The following ZNF568 variants were observed in gnomAD, a reference collection of about 807,000 sequenced individuals.
ZNF568 encodes zinc finger protein 568.
A neutral mutation model predicts 18.1 loss-of-function variants in ZNF568; 11 were observed. The ratio of observed to expected loss-of-function variants is 0.61; its 90% CI spans 0.38 to 1.00. The LOEUF (loss-of-function observed/expected upper bound fraction) is 1.00, where lower values mean the gene tolerates loss of function less well. Ranked by LOEUF, ZNF568 falls within the 50% of genes least tolerant of loss-of-function variation. The pLI, the probability that ZNF568 is intolerant of heterozygous loss-of-function variation, is 0.01. For synonymous variants in ZNF568, 213 were observed against 246.6 expected (o/e 0.86, Z 1.28); for missense variants, 639 against 768.2 (o/e 0.83, Z 1.99).
intron 7 of ZNF568, among the ~76,000 whole-genome samples, chr19:36,977,899 A>G (rs958165946): frequency 6.6e-6 from 1 of 152,200 alleles, no homozygotes. Flanking sequence ...GATAATGGAA[A>G]TTCACCTGCA....
At chr19:36,974,311 C>A in intron 6 of ZNF568, 2 of 891,772 alleles carry the variant, frequency 2.2e-6, no homozygotes, top group Non-Finnish European at 3.4e-6. Context: ...GTTGCAGCTT[C>A]TTTGGTCTCC....
chr19:36,943,334 C>T lies in ZNF568; in HGVS notation c.358+6092C>T, dbSNP rs568326422. On this transcript the variant is annotated intron_variant, in intron 6 of 6. Transcript: ENST00000333987. Reference sequence around the variant, plus strand: ...AGCCTAGATCCATTATTTTATTGAGCGTCTTTCACTTTTATTAGCTGAAAT... The same window carrying T: ...AGCCTAGATCCATTATTTTATTGAGTGTCTTTCACTTTTATTAGCTGAAAT... Among the ~76,000 whole-genome samples, 8 of 149,100 alleles carry T rather than the reference C, an allele frequency of 5.4e-5. 1 individual carries two copies. In the South Asian group the frequency reaches 1.3e-3, roughly 24 times the overall value.
At chr19:36,942,088 T>A (rs921134609) in intron 6 of ZNF568, among the ~76,000 whole-genome samples, 6 of 151,292 alleles carry the variant, frequency 4.0e-5, no homozygotes, top group Non-Finnish European at 7.4e-5. Context: ...GTTCAAGTGA[T>A]TCTCCTGCCT....
At chr19:36,937,544 G>A (rs111345324) in intron 6 of ZNF568, among the ~76,000 whole-genome samples, 2,588 of 152,060 alleles carry the variant, frequency 0.017, 34 homozygotes, top group African/African-American at 0.036. Flanking sequence ...TATGATCCTC[G>A]GGCACTCTCT....
chr19:36,981,849 G>A (rs1348784357), downstream of ZNF568, among the ~76,000 whole-genome samples: 3 of 151,886 alleles, frequency 2.0e-5, no homozygotes, highest in Non-Finnish European at 4.4e-5. Context: ...ACTCCAGCCT[G>A]GGTGACAGAG....
At chr19:36,922,888 C>CTCTA (rs2073482131) in intron 3 of ZNF568, 42 bp downstream of exon 3, 1 of 1,583,170 alleles carries the variant, frequency 6.3e-7, no homozygotes, top group South Asian at 1.1e-5. Flanking sequence ...GAGAGAAAGG[C>CTCTA]TCTACATTTG....
At chr19:36,955,723 A>G (rs2074102666), downstream of ZNF568, among the ~76,000 whole-genome samples, 1 of 152,214 alleles carries the variant, frequency 6.6e-6, no homozygotes, top group Non-Finnish European at 1.5e-5. Context: ...ACAGAATAAA[A>G]CATACTAATA....
At chr19:36,997,748 T>G (rs2074492705), downstream of ZNF568, 1 of 671,826 alleles carries the variant, frequency 1.5e-6, no homozygotes, top group Admixed American at 2.8e-5. Context: ...AGAATTTGAT[T>G]GACATGAGAA....
At chr19:36,990,466 T>A (rs2146348390) in intron 2 of ZNF568, among the ~76,000 whole-genome samples, 1 of 152,194 alleles carries the variant, frequency 6.6e-6, no homozygotes, top group East Asian at 1.9e-4. Context: ...AATACAAAAA[T>A]TAGCCAGATG....
intron 6 of ZNF568, among the ~76,000 whole-genome samples, chr19:36,948,972 T>C (rs2074012514): frequency 6.6e-6 from 1 of 152,172 alleles, no homozygotes; most frequent in Admixed American, 6.5e-5. Context: ...CTTTGTAGCT[T>C]TGCTATTCAG....
chr19:36,952,199 T>G lies in ZNF568; in HGVS notation c.*1111T>G. ...GGCACATGCCTGTAATCCCAGCTAC[T>G]TGGGAGGCTGATAGAAGAAGATAAC... is the stretch of plus-strand genomic sequence containing the variant. On this transcript the variant is annotated 3_prime_UTR_variant, in exon 7 of 7. Transcript: ENST00000333987. The G allele has an allele frequency of 1.5e-5, 5 of 344,034 alleles. No individual in the cohort carries two copies. The highest frequency in any genetic ancestry group is 2.0e-5 in the Non-Finnish European group (5 of 244,446). 21.3% of individuals were successfully genotyped at this position (344,034 alleles called of 1,614,324 possible).
rs1351659741 is a variant in ZNF568 at position 36,925,250 on chromosome 19, A to G, written c.127A>G (p.Arg43Gly). ...ALSEEEEDTT[R>G]PLETVTFKDV... ...TTCCGAGGAAGAAGAGGATACAACC[A>G]GGCCTCTTGTACGTCTTAAGCATTT... Residue 43 changes from arginine (R) to glycine (G), a missense_variant, in exon 4 of 7, where the codon AGG (arginine) becomes GGG (glycine). By Grantham distance (125) the Arg-to-Gly change is moderately radical. Transcript: ENST00000333987. The G allele has an allele frequency of 2.5e-6, 4 of 1,613,858 alleles. No individual in the cohort carries two copies. The highest frequency in any genetic ancestry group is 1.7e-5 in the Admixed American group (1 of 60,002).
intron 4 of ZNF568, among the ~76,000 whole-genome samples, chr19:36,993,781 TTC>T (rs1383252435): frequency 6.6e-6 from 1 of 152,148 alleles, no homozygotes; most frequent in African/African-American, 2.4e-5. Context: ...ATTTTGAGAC[TTC>T]TCTCTTTTTT....
intron 3 of ZNF568, chr19:36,991,481 C>T (rs1285359207): frequency 1.2e-6 from 1 of 806,558 alleles, no homozygotes; most frequent in Non-Finnish European, 1.8e-6. Context: ...TTGGCTGTTC[C>T]AGCAGGCACC....
At chr19:36,946,889 G>A (rs2073975828) in intron 6 of ZNF568, among the ~76,000 whole-genome samples, 1 of 151,860 alleles carries the variant, frequency 6.6e-6, no homozygotes, top group Non-Finnish European at 1.5e-5. Context: ...CTGGTGATCC[G>A]CCTACCTTGG....
At chr19:36,925,123 G>A in intron 3 of ZNF568, 77 bp from the exon 4 acceptor site, 2 of 1,354,084 alleles carry the variant, frequency 1.5e-6, no homozygotes, top group Non-Finnish European at 2.1e-6. Context: ...GGGTCTTCTA[G>A]CCACCTGGTA....
intron 6 of ZNF568, among the ~76,000 whole-genome samples, chr19:36,960,149 G>A (rs1346951079): frequency 2.6e-5 from 3 of 113,524 alleles, no homozygotes; most frequent in Non-Finnish European, 5.0e-5. Flanking sequence ...GAGTCTCCTC[G>A]CTCTGTTGCC....
At chr19:36,992,493 C>T (rs2074434778) in intron 4 of ZNF568, among the ~76,000 whole-genome samples, 1 of 151,980 alleles carries the variant, frequency 6.6e-6, no homozygotes, top group African/African-American at 2.4e-5. Context: ...CAAAGCGAGA[C>T]TCCATCTTGA....
At chr19:36,927,978 G>C (rs373040665) in intron 4 of ZNF568, among the ~76,000 whole-genome samples, 1 of 133,224 alleles carries the variant, frequency 7.5e-6, no homozygotes, top group South Asian at 2.6e-4. Flanking sequence ...GCAGTGACAC[G>C]ATCTTGGCTC....
Sources: allele counts gnomAD v4.1 joint callset (sites outside exome capture counted in the v4.1 genomes callset), GRCh38; gene constraint gnomAD v4.1.1; transcripts MANE v1.5; gene names NCBI Gene and HGNC (gene_info 2026-07-23, HGNC 2026-07-21).